Variants in PIK3CB observed in about 807,000 individuals in gnomAD.
The protein encoded by PIK3CB is phosphatidylinositol-4,5-bisphosphate 3-kinase catalytic subunit beta.
A neutral mutation model predicts 136.8 loss-of-function variants in PIK3CB; 39 were observed. The ratio of observed to expected loss-of-function variants is 0.29; its 90% CI spans 0.22 to 0.37. The LOEUF is 0.37. Ranked by LOEUF, PIK3CB falls within the 10% of genes least tolerant of loss-of-function variation. PIK3CB has a pLI of 1.00. For missense variants in PIK3CB, 868 were observed against 1,275.4 expected (o/e 0.68, Z 4.87); for synonymous variants, 428 against 436.6 (o/e 0.98, Z 0.25).
chr3:138,728,354 C>A (rs1371632690), intron 8 of PIK3CB, among the ~76,000 whole-genome samples: 2 of 152,104 alleles, frequency 1.3e-5, no homozygotes, highest in African/African-American at 2.4e-5. Flanking sequence ...CCTCAATTTT[C>A]CTTATGAGCA....
At chr3:138,658,685 G>A (rs1403180305) in intron 21 of PIK3CB, among the ~76,000 whole-genome samples, 1 of 152,048 alleles carries the variant, frequency 6.6e-6, no homozygotes, top group African/African-American at 2.4e-5. Flanking sequence ...TACACACTGT[G>A]GCACATTATG....
intron 1 of PIK3CB, among the ~76,000 whole-genome samples, chr3:138,805,168 G>A (rs1296822825): frequency 6.6e-6 from 1 of 151,134 alleles, no homozygotes; most frequent in Non-Finnish European, 1.5e-5. Flanking sequence ...AACCGTCTCT[G>A]CTTAAAATAA....
intron 4 of PIK3CB, among the ~76,000 whole-genome samples, chr3:138,749,750 A>C (rs1187855560): frequency 6.6e-6 from 1 of 152,300 alleles, no homozygotes; most frequent in African/African-American, 2.4e-5. Context: ...GTGTAGGTAT[A>C]CATCTTCTAA....
chr3:138,691,238 A>G, intron 14 of PIK3CB, 95 bp from the exon 15 acceptor site: 1 of 1,150,730 alleles, frequency 8.7e-7, no homozygotes, highest in Non-Finnish European at 1.3e-6. Context: ...TTGTTGAAAC[A>G]CAATGGTTCT....
chr3:138,822,927 A>T, intron 1 of PIK3CB, among the ~76,000 whole-genome samples: 1 of 147,280 alleles, frequency 6.8e-6, no homozygotes, highest in African/African-American at 2.5e-5. Flanking sequence ...ATATACATGA[A>T]ACATATATAC....
At chr3:138,810,138 G>A (rs1932949046) in intron 1 of PIK3CB, among the ~76,000 whole-genome samples, 1 of 152,096 alleles carries the variant, frequency 6.6e-6, no homozygotes, top group East Asian at 1.9e-4. Context: ...ATAAAGTATT[G>A]GATTATAAAC....
Position 138,705,191 on chromosome 3 carries a change from A to AAAAAAAAAAAAAAAAAAAATT in PIK3CB, c.1531-699_1531-698insAATTTTTTTTTTTTTTTTTTT, listed in dbSNP as rs2044350451. ...AAAAAAAACAAAAAACAAAACAAAC[A>AAAAAAAAAAAAAAAAAAAATT]AAAAAAAAAACTTATATTTGCAAAT... On this transcript the variant is annotated intron_variant, in intron 11 of 23. Coordinates refer to ENST00000674063, the MANE Select transcript of PIK3CB (RefSeq NM_006219.3). 2.1e-5 allele frequency among the ~76,000 whole-genome samples: 2 copies of AAAAAAAAAAAAAAAAAAAATT among 93,502 alleles called. 1 individual carries two copies. Among genetic ancestry groups the AAAAAAAAAAAAAAAAAAAATT allele is most frequent in the Non-Finnish European group, 4.1e-5 (2 of 49,050 alleles). The allele number at this position is 93,502 out of a possible 152,430, so 61.3% of individuals were successfully genotyped here.
intron 4 of PIK3CB, among the ~76,000 whole-genome samples, chr3:138,747,099 T>C (rs1193806831): frequency 4.7e-5 from 4 of 84,706 alleles, no homozygotes; most frequent in African/African-American, 1.9e-4. Flanking sequence ...TATATATATA[T>C]ATATATATAT....
intron 13 of PIK3CB, among the ~76,000 whole-genome samples, chr3:138,698,613 T>C (rs2044185396): frequency 6.6e-6 from 1 of 152,192 alleles, no homozygotes; most frequent in Non-Finnish European, 1.5e-5. Flanking sequence ...CTGATGAAGC[T>C]GGTAGAAGGT....
chr3:138,823,355 G>A (rs1320990461), intron 1 of PIK3CB, among the ~76,000 whole-genome samples: 1 of 151,520 alleles, frequency 6.6e-6, no homozygotes, highest in Non-Finnish European at 1.5e-5. Flanking sequence ...AATAGTTATT[G>A]TATAACTATG....
intron 2 of PIK3CB, among the ~76,000 whole-genome samples, chr3:138,765,538 C>T (rs780118143): frequency 2.0e-5 from 3 of 151,852 alleles, no homozygotes; most frequent in Non-Finnish European, 4.4e-5. Flanking sequence ...ACATATCCTA[C>T]AACTCTTTAA....
chr3:138,764,674 G>A (rs1167422028), intron 2 of PIK3CB, among the ~76,000 whole-genome samples: 2 of 152,142 alleles, frequency 1.3e-5, no homozygotes, highest in Admixed American at 6.5e-5. Flanking sequence ...TCAACACACA[G>A]GATCCTTAGT....
At chr3:138,682,493 G>C (rs1450116410) in intron 18 of PIK3CB, among the ~76,000 whole-genome samples, 1 of 152,134 alleles carries the variant, frequency 6.6e-6, no homozygotes, top group East Asian at 1.9e-4. Flanking sequence ...CTGTAATACT[G>C]TTTGTATTAC....
At chr3:138,701,529 G>A (rs113823282) in intron 12 of PIK3CB, among the ~76,000 whole-genome samples, 5,314 of 152,208 alleles carry the variant, frequency 0.035, 315 homozygotes, top group African/African-American at 0.12. Flanking sequence ...GCTGACGCCT[G>A]TAATCCCAGC....
At chr3:138,756,568 C>G (rs989429885) in intron 3 of PIK3CB, among the ~76,000 whole-genome samples, 20 of 152,196 alleles carry the variant, frequency 1.3e-4, no homozygotes, top group African/African-American at 4.8e-4. Context: ...CTCAACATCT[C>G]TTTCCATGTC....
intron 21 of PIK3CB, among the ~76,000 whole-genome samples, chr3:138,659,455 T>A (rs2043248345): frequency 6.6e-6 from 1 of 151,014 alleles, no homozygotes; most frequent in African/African-American, 2.4e-5. Context: ...AGGCGGAGGC[T>A]GCAGTGAGCC....
At chr3:138,741,560 G>A (rs2045244783) in intron 5 of PIK3CB, among the ~76,000 whole-genome samples, 1 of 152,198 alleles carries the variant, frequency 6.6e-6, no homozygotes, top group African/African-American at 2.4e-5. Context: ...TGTGTGCAGT[G>A]GCTCATGCTT....
intron 19 of PIK3CB, among the ~76,000 whole-genome samples, chr3:138,673,842 A>T (rs983833305): frequency 6.6e-6 from 1 of 152,172 alleles, no homozygotes; most frequent in Non-Finnish European, 1.5e-5. Context: ...CAGCCACTAG[A>T]GGAAAGAAAA....
intron 2 of PIK3CB, among the ~76,000 whole-genome samples, chr3:138,780,590 T>G (rs554708782): frequency 1.2e-4 from 18 of 152,192 alleles, no homozygotes; most frequent in Non-Finnish European, 2.2e-4. Flanking sequence ...ATTAACTTAC[T>G]TTAGTTGTGA....
Sources: allele counts gnomAD v4.1 joint callset (sites outside exome capture counted in the v4.1 genomes callset), GRCh38; gene constraint gnomAD v4.1.1; transcripts MANE v1.5; gene names NCBI Gene and HGNC (gene_info 2026-07-23, HGNC 2026-07-21).